Variants in NELL1 observed in about 807,000 individuals in gnomAD.
NELL1 encodes protein kinase C-binding protein NELL1.
A neutral mutation model predicts 107.4 loss-of-function variants in NELL1; 76 were observed. The observed-to-expected ratio is 0.71, with a 90% CI of 0.59 to 0.86. NELL1 has a LOEUF of 0.86. NELL1 is among the 40% of genes least tolerant of loss of function. The pLI is 0.00. For synonymous variants in NELL1, 353 were observed against 341.2 expected (o/e 1.03, Z -0.38); for missense variants, 1,024 against 1,005.5 (o/e 1.02, Z -0.25).
intron 12 of NELL1, among the ~76,000 whole-genome samples, chr11:21,106,497 A>C (rs553374652): frequency 6.6e-6 from 1 of 151,946 alleles, no homozygotes; most frequent in African/African-American, 2.4e-5. Context: ...CACTCTTCCT[A>C]TTGTTTTTCT....
At chr11:21,268,714 C>T (rs1016244164) in intron 14 of NELL1, among the ~76,000 whole-genome samples, 1 of 152,072 alleles carries the variant, frequency 6.6e-6, no homozygotes, top group Non-Finnish European at 1.5e-5. Flanking sequence ...TATTACAGTC[C>T]CTTTTACATA....
intron 2 of NELL1, among the ~76,000 whole-genome samples, chr11:20,757,174 TA>T (rs1244386606): frequency 2.0e-5 from 3 of 151,964 alleles, no homozygotes; most frequent in Non-Finnish European, 2.9e-5. Flanking sequence ...TTTTTTTTTT[TA>T]AATATAATTT....
chr11:21,448,543 T>A (rs1237424562), intron 15 of NELL1, among the ~76,000 whole-genome samples: 1 of 152,184 alleles, frequency 6.6e-6, no homozygotes, highest in Admixed American at 6.5e-5. Flanking sequence ...GGTGTACATA[T>A]ATAATATTTT....
At chr11:21,343,224 T>C (rs532783449) in intron 14 of NELL1, among the ~76,000 whole-genome samples, 1 of 152,072 alleles carries the variant, frequency 6.6e-6, no homozygotes, top group East Asian at 1.9e-4. Context: ...ATTCTTCATG[T>C]CCAAAGCCCT....
rs78588468 is a variant in NELL1 at position 20,777,258 on chromosome 11, A to T, written c.185-6422A>T. Among the ~76,000 whole-genome samples the T allele has an allele frequency of 2.5e-3, 384 of 152,356 alleles. 15 individuals are homozygous for T. In the East Asian group the frequency reaches 0.063, roughly 25 times the overall value. On this transcript the variant is annotated intron_variant, in intron 2 of 19. Coordinates refer to ENST00000357134, the MANE Select transcript of NELL1 (RefSeq NM_006157.5). ...CTGTAAAGTAGGAATAATAATAATA[A>T]TGTCTTCTAAAGTTATTGTAAGTGC...
At chr11:21,138,184 T>A (rs1185379868) in intron 13 of NELL1, among the ~76,000 whole-genome samples, 8 of 152,138 alleles carry the variant, frequency 5.3e-5, no homozygotes, top group Non-Finnish European at 2.9e-5. Context: ...GCTCTCTCAG[T>A]CTCTCCATCT....
intron 12 of NELL1, among the ~76,000 whole-genome samples, chr11:21,013,205 A>G (rs917409652): frequency 1.3e-5 from 2 of 152,094 alleles, no homozygotes; most frequent in African/African-American, 2.4e-5. Context: ...TCACTGTTCT[A>G]ATTTTTTGCA....
intron 12 of NELL1, among the ~76,000 whole-genome samples, chr11:21,077,145 C>A (rs1360848813): frequency 6.6e-6 from 1 of 152,054 alleles, no homozygotes; most frequent in African/African-American, 2.4e-5. Flanking sequence ...CACCGAGTTG[C>A]TCTCTGTTTC....
intron 11 of NELL1, among the ~76,000 whole-genome samples, chr11:20,958,931 G>A (rs1028164806): frequency 3.9e-5 from 6 of 152,170 alleles, no homozygotes; most frequent in Admixed American, 6.5e-5. Flanking sequence ...TGGCCATTAA[G>A]CGAATATTGC....
intron 16 of NELL1, among the ~76,000 whole-genome samples, chr11:21,553,125 C>A (rs1856630132): frequency 6.6e-6 from 1 of 151,884 alleles, no homozygotes; most frequent in South Asian, 2.1e-4. Context: ...TGTAACCTCC[C>A]TGTGACTAAG....
At chr11:20,756,290 G>C (rs1856285082) in intron 2 of NELL1, among the ~76,000 whole-genome samples, 1 of 152,036 alleles carries the variant, frequency 6.6e-6, no homozygotes, top group South Asian at 2.1e-4. Flanking sequence ...GGAGATGATA[G>C]TTGCACTAGA....
intron 14 of NELL1, among the ~76,000 whole-genome samples, chr11:21,272,443 G>C (rs781214965): frequency 6.6e-6 from 1 of 152,200 alleles, no homozygotes; most frequent in Non-Finnish European, 1.5e-5. Flanking sequence ...AGCTCAAGGA[G>C]GCCTGCCTGC....
intron 2 of NELL1, among the ~76,000 whole-genome samples, chr11:20,697,353 G>C (rs1252767458): frequency 1.3e-5 from 2 of 150,136 alleles, no homozygotes; most frequent in African/African-American, 4.9e-5. Flanking sequence ...ATTTATAAAA[G>C]TGAATTAGAA....
intron 12 of NELL1, among the ~76,000 whole-genome samples, chr11:21,109,772 G>A (rs770237382): frequency 3.3e-5 from 5 of 152,022 alleles, no homozygotes; most frequent in South Asian, 4.1e-4. Flanking sequence ...TCAATCATTC[G>A]CTATTTCTGA....
rs1473631972 is a variant in NELL1, at chr11:21,189,798, T to C, written c.1427-39534T>C. Among the ~76,000 whole-genome samples the C allele has an allele frequency of 7.2e-5, 11 of 151,874 alleles. No individual in the cohort carries two copies. In the East Asian group the frequency reaches 1.5e-3, roughly 21 times the overall value. ...CTCAGTTAAGGTCTAAGTCCTTTGG[T>C]TTTATTATTGATCTACAAAGGATGT... On this transcript the variant is annotated intron_variant, in intron 13 of 19. Transcript: ENST00000357134.
intron 10 of NELL1, among the ~76,000 whole-genome samples, chr11:20,945,035 AATC>A (rs1850934589): frequency 6.6e-6 from 1 of 152,230 alleles, no homozygotes; most frequent in Non-Finnish European, 1.5e-5. Context: ...ATCACTCCCG[AATC>A]TCACCACCTA....
intron 3 of NELL1, among the ~76,000 whole-genome samples, chr11:20,836,884 A>G (rs1278214319): frequency 6.6e-6 from 1 of 152,184 alleles, no homozygotes; most frequent in Non-Finnish European, 1.5e-5. Context: ...TGGTGGACAC[A>G]TGACACTATG....
chr11:21,070,122 AG>A (rs1473876954), intron 12 of NELL1, among the ~76,000 whole-genome samples: 7 of 151,494 alleles, frequency 4.6e-5, no homozygotes, highest in African/African-American at 1.7e-4. Flanking sequence ...AGTCACTCCA[AG>A]GCTGTTTTTT....
At chr11:21,009,231 TC>T (rs1852395670) in intron 12 of NELL1, among the ~76,000 whole-genome samples, 1 of 152,156 alleles carries the variant, frequency 6.6e-6, no homozygotes, top group South Asian at 2.1e-4. Flanking sequence ...CATTGATCCA[TC>T]CCTATGTTGT....
Sources: gnomAD v4.1 joint callset for allele counts (sites outside exome capture counted in the v4.1 genomes callset) on GRCh38, gnomAD v4.1.1 for gene constraint, MANE v1.5 for transcripts, NCBI Gene and HGNC (gene_info 2026-07-23, HGNC 2026-07-21) for gene names.